Variants in CTNNA3 observed in about 807,000 individuals in gnomAD.
CTNNA3 encodes the protein catenin alpha 3, also known as catenin alpha-3.
A neutral mutation model predicts 95.7 loss-of-function variants in CTNNA3; 76 were observed. The observed-to-expected ratio is 0.79, with a 90% confidence interval of 0.66 to 0.96. The LOEUF is 0.96. CTNNA3 is among the 40% of genes least tolerant of loss of function. The pLI is 0.00. For missense variants in CTNNA3, 1,191 were observed against 1,089.8 expected (o/e 1.09, Z -1.31); for synonymous variants, 431 against 374.4 (o/e 1.15, Z -1.74).
At chr10:66,023,953 T>C (rs1274467702) in intron 15 of CTNNA3, among the ~76,000 whole-genome samples, 3 of 152,186 alleles carry the variant, frequency 2.0e-5, no homozygotes, top group Admixed American at 2.0e-4. Flanking sequence ...ACAAAGTTTA[T>C]GGTGACTATT....
intron 7 of CTNNA3, among the ~76,000 whole-genome samples, chr10:66,846,259 A>G (rs1843270990): frequency 6.6e-6 from 1 of 152,210 alleles, no homozygotes; most frequent in African/African-American, 2.4e-5. Flanking sequence ...CTAAAAAGTC[A>G]AACTCATAGA....
intron 9 of CTNNA3, among the ~76,000 whole-genome samples, chr10:66,717,969 G>A (rs1848506102): frequency 6.6e-6 from 1 of 152,112 alleles, no homozygotes; most frequent in East Asian, 1.9e-4. Context: ...AGTGAAAATT[G>A]TAATCAGCTT....
At chr10:67,726,464 T>TAATATATAATATTATATATTATATAA (rs1564841186) in intron 1 of CTNNA3, among the ~76,000 whole-genome samples, 1 of 41,272 alleles carries the variant, frequency 2.4e-5, no homozygotes, top group African/African-American at 8.8e-5. Context: ...ATATGATATA[T>TAATATATAATATTATATATTATATAA]GATATAATAT....
intron 15 of CTNNA3, among the ~76,000 whole-genome samples, chr10:66,065,485 T>C (rs1293424881): frequency 1.3e-5 from 2 of 151,320 alleles, no homozygotes; most frequent in Non-Finnish European, 2.9e-5. Flanking sequence ...TTAAATAAGG[T>C]TTTTTTCCAT....
chr10:67,252,453 T>G (rs1866149442), intron 5 of CTNNA3, among the ~76,000 whole-genome samples: 1 of 152,164 alleles, frequency 6.6e-6, no homozygotes, highest in Non-Finnish European at 1.5e-5. Flanking sequence ...ATTTATAAAT[T>G]AGGCACAGTA....
At chr10:67,246,061 T>C (rs1865893739) in intron 5 of CTNNA3, among the ~76,000 whole-genome samples, 1 of 152,140 alleles carries the variant, frequency 6.6e-6, no homozygotes, top group African/African-American at 2.4e-5. Context: ...ATAGAAAGCT[T>C]CTGAACCCAA....
intron 12 of CTNNA3, among the ~76,000 whole-genome samples, chr10:66,349,129 T>G (rs2092547963): frequency 6.6e-6 from 1 of 152,136 alleles, no homozygotes; most frequent in Admixed American, 6.5e-5. Context: ...TCTCTCTTCC[T>G]TGATGGCATT....
chr10:66,033,023 G>C (rs2079479278), intron 15 of CTNNA3, among the ~76,000 whole-genome samples: 1 of 151,978 alleles, frequency 6.6e-6, no homozygotes, highest in African/African-American at 2.4e-5. Context: ...TCTGATGCTT[G>C]GGCTCGACAT....
chr10:67,157,388 A>T (rs1413334240), intron 7 of CTNNA3, among the ~76,000 whole-genome samples: 1 of 152,128 alleles, frequency 6.6e-6, no homozygotes, highest in Non-Finnish European at 1.5e-5. Flanking sequence ...AAAGGTGAAA[A>T]AGGTCCTGTT....
chr10:67,750,367 G>A, intron 1 of CTNNA3: 1 of 1,501,878 alleles, frequency 6.7e-7, no homozygotes, highest in Non-Finnish European at 9.3e-7. Flanking sequence ...TCGGCAAAGT[G>A]AAAGAAGTGG....
rs1240327552 is a variant in CTNNA3 at position 66,627,631 on chromosome 10, T to C, written c.1282-5847A>G. 2.0e-5 allele frequency among the ~76,000 whole-genome samples: 3 copies of C among 152,116 alleles called. No homozygotes were observed. In the East Asian group the frequency reaches 5.8e-4, roughly 29 times the overall value. Reference sequence around the variant, plus strand: ...GTTGAAAGCTGGTAATGTATAACCATAATTATTTCTGTGAAAGGCAACTTC... The same window carrying C: ...GTTGAAAGCTGGTAATGTATAACCACAATTATTTCTGTGAAAGGCAACTTC... On this transcript the variant is annotated intron_variant, in intron 9 of 17. Transcript: ENST00000433211.
At chr10:67,307,787 T>A (rs117801068) in intron 5 of CTNNA3, among the ~76,000 whole-genome samples, 1 of 152,264 alleles carries the variant, frequency 6.6e-6, no homozygotes, top group East Asian at 1.9e-4. Flanking sequence ...GACCAGTACA[T>A]TAATTCTCGT....
chr10:67,503,445 AT>A (rs903657539), intron 5 of CTNNA3, among the ~76,000 whole-genome samples: 2 of 151,282 alleles, frequency 1.3e-5, no homozygotes, highest in Admixed American at 6.6e-5. Context: ...TATCTTAACT[AT>A]TTTTTTTTAT....
At chr10:66,245,234 C>G (rs532284081) in intron 13 of CTNNA3, among the ~76,000 whole-genome samples, 7 of 152,276 alleles carry the variant, frequency 4.6e-5, no homozygotes, top group African/African-American at 1.4e-4. Flanking sequence ...TTGAACCAGG[C>G]ACACTGCAAG....
intron 12 of CTNNA3, among the ~76,000 whole-genome samples, chr10:66,319,997 C>A (rs997729760): frequency 3.3e-5 from 5 of 152,080 alleles, no homozygotes; most frequent in African/African-American, 1.2e-4. Flanking sequence ...ATTGCACTCT[C>A]CAATGCAGCT....
rs563897342 is a variant in CTNNA3 at position 67,743,875 on chromosome 10, C to T, written c.-2+19559G>A. ...CACCAATAACAGACAAACAGAGAGCCAAATCATGAGTGAACTCCCATTCAC... is the reference window on the plus strand; with the variant it reads ...CACCAATAACAGACAAACAGAGAGCTAAATCATGAGTGAACTCCCATTCAC... On this transcript the variant is annotated intron_variant, in intron 1 of 17. Transcript: ENST00000684154. Among the ~76,000 whole-genome samples, 167 of 151,094 alleles carry T rather than the reference C, an allele frequency of 1.1e-3. 1 individual carries two copies. Among genetic ancestry groups the T allele is most frequent in the African/African-American group, 3.9e-3 (161 of 41,306 alleles).
Position 66,130,587 on chromosome 10 carries a change from G to A in CTNNA3, c.1885-27338C>T, listed in dbSNP as rs535813853. On this transcript the variant is annotated intron_variant, in intron 13 of 17. Coordinates refer to ENST00000433211, the MANE Select transcript of CTNNA3 (RefSeq NM_013266.4). The stretch of plus-strand genomic sequence containing the variant: ...CGGCCGGGCACTGTGGCTCACGCCT[G>A]TAATCCCAGCACTTTAGGAAGCTAA... 9.2e-5 allele frequency among the ~76,000 whole-genome samples: 14 copies of A among 152,242 alleles called. No individual in the cohort carries two copies. In the South Asian group the frequency reaches 2.5e-3, roughly 27 times the overall value.
chr10:66,597,929 G>A (rs1843781615), intron 10 of CTNNA3, among the ~76,000 whole-genome samples: 1 of 151,970 alleles, frequency 6.6e-6, no homozygotes, highest in African/African-American at 2.4e-5. Flanking sequence ...TTAAATATAT[G>A]AAAGTATTAA....
intron 7 of CTNNA3, among the ~76,000 whole-genome samples, chr10:67,010,403 A>G (rs1852244265): frequency 6.6e-6 from 1 of 152,216 alleles, no homozygotes; most frequent in African/African-American, 2.4e-5. Context: ...TTGAAAATAA[A>G]AAGTCAGGAA....
Sources: gnomAD v4.1 joint callset for allele counts (sites outside exome capture counted in the v4.1 genomes callset) on GRCh38, gnomAD v4.1.1 for gene constraint, MANE v1.5 for transcripts, NCBI Gene and HGNC (gene_info 2026-07-23, HGNC 2026-07-21) for gene names.